Variants in BRSK2 observed in about 807,000 individuals in gnomAD.
BRSK2 encodes the protein serine/threonine-protein kinase BRSK2.
BRSK2 carries 19 observed loss-of-function variants against 83.3 expected under a neutral mutation model. That is an observed-to-expected ratio of 0.23 (90% CI 0.16 to 0.33). The LOEUF (loss-of-function observed/expected upper bound fraction) is 0.33. BRSK2 is among the 10% of genes least tolerant of loss of function. The pLI is 1.00. For missense variants in BRSK2, 798 were observed against 1,042.3 expected, an observed-to-expected ratio of 0.77 and a Z score of 3.23; for synonymous variants, 519 against 435.4, an observed-to-expected ratio of 1.19 and a Z score of -2.39.
rs1254821676 is a variant in BRSK2, at chr11:1,423,260, G to A, written c.92-12780G>A. Among the ~76,000 whole-genome samples, 2 of 152,126 alleles carry A rather than the reference G, an allele frequency of 1.3e-5. No homozygotes were observed. Among genetic ancestry groups the A allele is most frequent in the Admixed American group, 6.5e-5 (1 of 15,276 alleles). ...TCGTGGCCGTCCAGGCTTCAGAAAC[G>A]GCAGAACCAGGGACCCTCCCCACTG... is the stretch of plus-strand genomic sequence containing the variant. On this transcript the variant is annotated intron_variant, in intron 1 of 19. Coordinates refer to ENST00000528841, the MANE Select transcript of BRSK2 (RefSeq NM_001256627.2). The surrounding 1 kb of genome is among the most constrained non-coding windows in gnomAD (Gnocchi z 6.5).
chr11:1,411,609 C>A, intron 1 of BRSK2: 1 of 1,568,988 alleles, frequency 6.4e-7, no homozygotes, highest in African/African-American at 1.4e-5. Flanking sequence ...CCAGACCTGG[C>A]TCTGCCTGCA....
At chr11:1,459,859 C>T (rs1450862539) in intron 19 of BRSK2, among the ~76,000 whole-genome samples, 1 of 152,200 alleles carries the variant, frequency 6.6e-6, no homozygotes, top group Non-Finnish European at 1.5e-5. Flanking sequence ...ATCTGTTCAT[C>T]TGTCTGTCTG....
chr11:1,395,685 A>G (rs995081258), intron 1 of BRSK2, among the ~76,000 whole-genome samples: 1 of 152,192 alleles, frequency 6.6e-6, no homozygotes, highest in Non-Finnish European at 1.5e-5. Flanking sequence ...AATGGCTGGA[A>G]AAGACACGCT....
At chr11:1,448,976 CCTCTT>C (rs1490460705) in intron 12 of BRSK2, among the ~76,000 whole-genome samples, 2 of 152,248 alleles carry the variant, frequency 1.3e-5, no homozygotes, top group African/African-American at 2.4e-5. Context: ...TCTTCTCTGT[CCTCTT>C]CTCTTCGGCG....
intron 18 of BRSK2, 58 bp from the exon 19 acceptor site, chr11:1,459,134 A>G: frequency 6.4e-7 from 1 of 1,561,862 alleles, no homozygotes; most frequent in Non-Finnish European, 8.8e-7. Context: ...GTCCAGCCAG[A>G]AGGCCCAGGA....
chr11:1,442,671 T>C, intron 5 of BRSK2, 65 bp downstream of exon 5: 1 of 1,373,990 alleles, frequency 7.3e-7, no homozygotes. Flanking sequence ...GAGGAGCCAG[T>C]GGACTGAGAG....
intron 2 of BRSK2, among the ~76,000 whole-genome samples, chr11:1,436,848 G>A (rs1050035766): frequency 2.6e-5 from 4 of 152,160 alleles, no homozygotes; most frequent in Admixed American, 6.5e-5. Context: ...GGCAGGACCC[G>A]GGGACGAGGC....
intron 1 of BRSK2, among the ~76,000 whole-genome samples, chr11:1,435,631 ATC>A (rs1472755183): frequency 7.3e-6 from 1 of 136,168 alleles, no homozygotes; most frequent in Non-Finnish European, 1.6e-5. Context: ...CGGCTGAGGT[ATC>A]TCTGCAGAAG....
chr11:1,405,979 A>T (rs1460545215), intron 1 of BRSK2, among the ~76,000 whole-genome samples: 1 of 151,904 alleles, frequency 6.6e-6, no homozygotes. Context: ...GACCCCCACA[A>T]GCCCCCACAG....
intron 1 of BRSK2, among the ~76,000 whole-genome samples, chr11:1,402,627 A>C (rs981223425): frequency 7.0e-6 from 1 of 141,868 alleles, no homozygotes; most frequent in African/African-American, 2.7e-5. Context: ...CTCCCCACAC[A>C]CAGGAGAGGG....
intron 18 of BRSK2, among the ~76,000 whole-genome samples, chr11:1,458,720 C>T (rs1209562727): frequency 6.6e-6 from 1 of 152,220 alleles, no homozygotes; most frequent in African/African-American, 2.4e-5. Context: ...ACTGGCAGCA[C>T]CAACATCCCC....
At chr11:1,411,188 GA>G in intron 1 of BRSK2, 1 of 1,234,612 alleles carries the variant, frequency 8.1e-7, no homozygotes, top group Middle Eastern at 3.1e-4. Flanking sequence ...CCTGGTCACT[GA>G]GCCAGCCTTG....
chr11:1,455,002 G>T (rs145912121), intron 16 of BRSK2, among the ~76,000 whole-genome samples: 1 of 152,124 alleles, frequency 6.6e-6, no homozygotes, highest in Non-Finnish European at 1.5e-5. Flanking sequence ...CCTAGGGACC[G>T]GTGGGGCTCT....
intron 1 of BRSK2, among the ~76,000 whole-genome samples, chr11:1,406,105 C>T (rs1290801868): frequency 6.6e-6 from 1 of 152,024 alleles, no homozygotes; most frequent in Admixed American, 6.6e-5. Flanking sequence ...GCCAGCGGCT[C>T]CTCCTGCCCA....
chr11:1,411,404 C>T (rs756654960), intron 1 of BRSK2: 2 of 1,464,684 alleles, frequency 1.4e-6, no homozygotes, highest in South Asian at 1.4e-5. Context: ...AGCCTCACCC[C>T]ATGAGCCCTG....
At chr11:1,451,161 G>A (rs1258389349) in intron 14 of BRSK2, among the ~76,000 whole-genome samples, 3 of 152,224 alleles carry the variant, frequency 2.0e-5, no homozygotes, top group Non-Finnish European at 4.4e-5. Flanking sequence ...AGCACCAGAG[G>A]CGGGGACAGC....
intron 1 of BRSK2, among the ~76,000 whole-genome samples, chr11:1,395,393 G>A (rs1179892822): frequency 6.6e-6 from 1 of 152,194 alleles, no homozygotes; most frequent in African/African-American, 2.4e-5. Context: ...CAGTGACTGC[G>A]CCAGGGTGGA....
chr11:1,402,060 G>A lies in BRSK2; in HGVS notation c.91+11685G>A, dbSNP rs536012964. Among the ~76,000 whole-genome samples the A allele has an allele frequency of 6.6e-5, 10 of 152,332 alleles. No individual in the cohort carries two copies. The East Asian group carries it at 1.9e-3, about 29-fold the overall frequency. On this transcript the variant is annotated intron_variant, in intron 1 of 19. Coordinates refer to ENST00000528841, the MANE Select transcript of BRSK2 (RefSeq NM_001256627.2). ...GACCCACCCCTCGTGCCCCGCCAGG[G>A]CCTCTCTGTCTTTAACTTACAGGGG...
intron 5 of BRSK2, 57 bp from the exon 6 acceptor site, chr11:1,443,049 G>T: frequency 2.0e-6 from 3 of 1,514,994 alleles, no homozygotes; most frequent in South Asian, 1.2e-5. Flanking sequence ...CATCACCCTG[G>T]GGGGAGGGCC....
Sources: allele counts gnomAD v4.1 joint callset (sites outside exome capture counted in the v4.1 genomes callset), GRCh38; gene constraint gnomAD v4.1.1; non-coding constraint Gnocchi (gnomAD v3.1); transcripts MANE v1.5; gene names NCBI Gene and HGNC (gene_info 2026-07-23, HGNC 2026-07-21).